The following RNF217 variants were observed in gnomAD, a reference collection of about 807,000 sequenced individuals.
RNF217 encodes the protein ring finger protein 217.
In RNF217, 31 loss-of-function variants were observed where a neutral mutation model predicts 57.8. The observed-to-expected ratio is 0.54, with a 90% CI of 0.40 to 0.72. The LOEUF (loss-of-function observed/expected upper bound fraction) is 0.72, where lower values mean the gene tolerates loss of function less well. RNF217 is among the 30% of genes least tolerant of loss of function. The pLI is 0.00. For synonymous variants in RNF217, 313 were observed against 294.0 expected (o/e 1.06, Z -0.66); for missense variants, 696 against 708.3 (o/e 0.98, Z 0.20).
In RNF217 at chr6:125,089,249, T is replaced by C. The variant is rs150798998; in HGVS notation, c.*6312T>C. ...TAGTCTAAAACCAAGCTTCAGAAAT[T>C]GCTTCGTGACTGTTGTAAGATCAAT... On this transcript the variant is annotated 3_prime_UTR_variant, in exon 6 of 6. Transcript: ENST00000521654. 17 of 152,302 alleles carry C rather than the reference T, an allele frequency of 1.1e-4. No homozygotes were observed. Among genetic ancestry groups the C allele is most frequent in the African/African-American group, 4.1e-4 (17 of 41,574 alleles). 9.4% of individuals were successfully genotyped at this position (152,302 alleles called of 1,614,324 possible).
intron 1 of RNF217, among the ~76,000 whole-genome samples, chr6:125,024,495 A>G (rs1785988339): frequency 6.6e-6 from 1 of 151,880 alleles, no homozygotes; most frequent in African/African-American, 2.4e-5. Context: ...AGGCAGGCGG[A>G]TCACCTGAGC....
At chr6:124,980,350 T>A (rs1185661038) in intron 1 of RNF217, among the ~76,000 whole-genome samples, 2 of 152,232 alleles carry the variant, frequency 1.3e-5, no homozygotes, top group African/African-American at 4.8e-5. Flanking sequence ...CATTACTTTT[T>A]AAAACAAATA....
At chr6:125,026,912 G>A (rs1444292578) in intron 1 of RNF217, among the ~76,000 whole-genome samples, 1 of 151,894 alleles carries the variant, frequency 6.6e-6, no homozygotes, top group African/African-American at 2.4e-5. Flanking sequence ...TTGTGTTTTG[G>A]ATACAGTAAA....
rs1297942149 is a variant in RNF217 at position 125,087,631 on chromosome 6, A to C, written c.*4694A>C. On this transcript the variant is annotated 3_prime_UTR_variant, in exon 6 of 6. Coordinates refer to ENST00000521654, the MANE Select transcript of RNF217 (RefSeq NM_001286398.3). ...GACAGTAGGATAACAGTGTTAGCAA[A>C]TATGTGTCATCTCTTTAAATTTGGG... 6.6e-6 allele frequency: 1 copy of C among 152,266 alleles called. No individual in the cohort carries two copies. The highest frequency in any genetic ancestry group is 3.4e-3 in the Middle Eastern group (1 of 294). The allele number at this position is 152,266 out of a possible 1,614,324, so 9.4% of individuals were successfully genotyped here.
rs749670061 is a variant in RNF217 at position 125,092,292 on chromosome 6, C to G, written c.*9355C>G. ...TGTCAGATCACACAAATTTTAGGGA[C>G]AAGTCTTTCAAAAGACGGACACCTT... On this transcript the variant is annotated 3_prime_UTR_variant, in exon 6 of 6. Coordinates refer to ENST00000521654, the MANE Select transcript of RNF217 (RefSeq NM_001286398.3). 6.6e-6 allele frequency: 1 copy of G among 152,152 alleles called. No individual in the cohort carries two copies. The highest frequency in any genetic ancestry group is 1.5e-5 in the Non-Finnish European group (1 of 68,016). 9.4% of individuals were successfully genotyped at this position (152,152 alleles called of 1,614,324 possible). A position where few individuals can be genotyped will look rare whatever the true frequency, so the allele number is the denominator to read the frequency against.
rs1314781405 is a variant in RNF217, at chr6:125,091,454, T to C, written c.*8517T>C. ...TTTAGGGATGTATATAGGCTGCGTT[T>C]GCTACCTTAATCTACTGTATTATCT... is the stretch of plus-strand genomic sequence containing the variant. On this transcript the variant is annotated 3_prime_UTR_variant, in exon 6 of 6. Coordinates refer to ENST00000521654, the MANE Select transcript of RNF217 (RefSeq NM_001286398.3). 6.6e-6 allele frequency: 1 copy of C among 152,162 alleles called. No homozygotes were observed. Among genetic ancestry groups the C allele is most frequent in the Admixed American group, 6.5e-5 (1 of 15,270 alleles). 9.4% of individuals were successfully genotyped at this position (152,162 alleles called of 1,614,324 possible).
chr6:124,990,800 T>TAA (rs1209319987), intron 1 of RNF217, among the ~76,000 whole-genome samples: 4 of 152,090 alleles, frequency 2.6e-5, no homozygotes, highest in African/African-American at 9.7e-5. Flanking sequence ...CATGGTGGCT[T>TAA]ACGTCCGTAA....
chr6:124,985,618 T>C (rs1339307427), intron 1 of RNF217, among the ~76,000 whole-genome samples: 1 of 152,162 alleles, frequency 6.6e-6, no homozygotes, highest in East Asian at 1.9e-4. Flanking sequence ...GAAAAGAAGA[T>C]CAAGTTTCAG....
chr6:125,038,382 T>C (rs1786734926), intron 1 of RNF217, among the ~76,000 whole-genome samples: 1 of 152,216 alleles, frequency 6.6e-6, no homozygotes, highest in African/African-American at 2.4e-5. Flanking sequence ...ATCATGGTTA[T>C]GGTTTTAAAA....
chr6:125,074,073 C>G (rs949343907), intron 3 of RNF217, among the ~76,000 whole-genome samples: 25 of 152,124 alleles, frequency 1.6e-4, no homozygotes, highest in African/African-American at 6.0e-4. Flanking sequence ...GTCAGTCACC[C>G]ACTGGAAAGG....
chr6:125,054,967 A>G (rs955980574), intron 2 of RNF217, among the ~76,000 whole-genome samples: 1 of 152,120 alleles, frequency 6.6e-6, no homozygotes, highest in Non-Finnish European at 1.5e-5. Flanking sequence ...TGTGGTTGTG[A>G]GATAGCATTT....
chr6:125,028,341 T>G (rs1379481426), intron 1 of RNF217, among the ~76,000 whole-genome samples: 1 of 152,298 alleles, frequency 6.6e-6, no homozygotes. Context: ...CACCTTTTCA[T>G]ATGCCTGTTT....
intron 1 of RNF217, among the ~76,000 whole-genome samples, chr6:125,002,517 T>C (rs1394550335): frequency 6.6e-6 from 1 of 152,204 alleles, no homozygotes; most frequent in African/African-American, 2.4e-5. Context: ...CATTTCCTTA[T>C]TTACTTCCAA....
Position 125,088,749 on chromosome 6 carries a change from T to G in RNF217, c.*5812T>G, listed in dbSNP as rs1207534856. ...TTTTCTTCTAAAAATTTTCATTTGG[T>G]GTATCTAACTTTGTATCACTTAAAT... On this transcript the variant is annotated 3_prime_UTR_variant, in exon 6 of 6. Coordinates refer to ENST00000521654, the MANE Select transcript of RNF217 (RefSeq NM_001286398.3). The G allele has an allele frequency of 6.6e-6, 1 of 152,220 alleles. No individual in the cohort carries two copies. Among genetic ancestry groups the G allele is most frequent in the Non-Finnish European group, 1.5e-5 (1 of 68,032 alleles). The allele number at this position is 152,220 out of a possible 1,614,324, so 9.4% of individuals were successfully genotyped here.
chr6:125,009,101 C>T (rs566646764), intron 1 of RNF217: 7 of 757,304 alleles, frequency 9.2e-6, no homozygotes, highest in Admixed American at 5.6e-5. Context: ...CCTGAACAGA[C>T]GTGTTAGAAA....
chr6:124,989,867 G>GAA (rs144016453), intron 1 of RNF217, among the ~76,000 whole-genome samples: 7 of 144,318 alleles, frequency 4.9e-5, no homozygotes, highest in Non-Finnish European at 6.1e-5. Flanking sequence ...TTCTCTGCTT[G>GAA]AAAAAAAAAA....
chr6:124,986,159 A>G (rs1784357336), intron 1 of RNF217, among the ~76,000 whole-genome samples: 2 of 152,220 alleles, frequency 1.3e-5, no homozygotes, highest in African/African-American at 4.8e-5. Flanking sequence ...TTACCCTTCC[A>G]AGTATAAATA....
At chr6:124,980,945 T>C (rs1475163046) in intron 1 of RNF217, among the ~76,000 whole-genome samples, 1 of 152,252 alleles carries the variant, frequency 6.6e-6, no homozygotes, top group Admixed American at 6.5e-5. Context: ...ATATGTTCCA[T>C]GTGCATGTTG....
At chr6:124,992,681 C>G (rs1184378568) in intron 1 of RNF217, among the ~76,000 whole-genome samples, 1 of 152,112 alleles carries the variant, frequency 6.6e-6, no homozygotes, top group East Asian at 1.9e-4. Context: ...GATAAAAGTA[C>G]ATTGAATTTT....
Sources: allele counts gnomAD v4.1 joint callset (sites outside exome capture counted in the v4.1 genomes callset), GRCh38; gene constraint gnomAD v4.1.1; transcripts MANE v1.5; gene names NCBI Gene and HGNC (gene_info 2026-07-23, HGNC 2026-07-21).